SLC25A21: variants seen among roughly 807,000 people sequenced by gnomAD.
SLC25A21 encodes solute carrier family 25 member 21.
SLC25A21 carries 47 observed loss-of-function variants against 43.8 expected under a neutral mutation model. That is an observed-to-expected ratio of 1.07 (90% CI 0.85 to 1.37). The LOEUF (loss-of-function observed/expected upper bound fraction) is 1.37. Among genes scored for constraint, SLC25A21 ranks in the 40% most tolerant of loss-of-function variants. The pLI is 0.00. For synonymous variants in SLC25A21, 131 were observed against 121.3 expected, an observed-to-expected ratio of 1.08 and a Z score of -0.52; for missense variants, 352 against 350.2, an observed-to-expected ratio of 1.00 and a Z score of -0.04.
At position 36,679,982 on chromosome 14, in the gene SLC25A21, A is replaced by AATG. The variant is rs999351771; in HGVS notation, c.*673_*675dup. On this transcript the variant is annotated 3_prime_UTR_variant, in exon 10 of 10. Transcript: ENST00000331299. The stretch of plus-strand genomic sequence containing the variant: ...AGTGTTTTAACATTCTGTTTTAAAC[A>AATG]ATGTTTTAAAATACCTATTTATTAT... The AATG allele has an allele frequency of 1.2e-6, 1 of 847,910 alleles. No homozygotes were observed. The highest frequency in any genetic ancestry group is 2.1e-5 in the African/African-American group (1 of 48,312). 52.5% of individuals were successfully genotyped at this position (847,910 alleles called of 1,614,324 possible). A position where few individuals can be genotyped will look rare whatever the true frequency, so the allele number is the denominator to read the frequency against.
chr14:37,061,513 C>T lies in SLC25A21; in HGVS notation c.70+110768G>A, dbSNP rs374802605. Among the ~76,000 whole-genome samples the T allele has an allele frequency of 4.8e-5, 5 of 103,432 alleles. No homozygotes were observed. The African/African-American group carries it at 7.4e-4, about 15-fold the overall frequency. 67.9% of individuals were successfully genotyped at this position (103,432 alleles called of 152,430 possible). A position where few individuals can be genotyped will look rare whatever the true frequency, so the allele number is the denominator to read the frequency against. Reference sequence around the variant, plus strand: ...TATTAGTTAGCCAACATGATTTTTTCCCCTCTAGTCAGCTGAGAAATATAG... The same window carrying T: ...TATTAGTTAGCCAACATGATTTTTTTCCCTCTAGTCAGCTGAGAAATATAG... On this transcript the variant is annotated intron_variant, in intron 1 of 9. Coordinates refer to ENST00000331299, the MANE Select transcript of SLC25A21 (RefSeq NM_030631.4).
intron 1 of SLC25A21, among the ~76,000 whole-genome samples, chr14:37,056,777 G>A (rs1298387271): frequency 2.0e-5 from 3 of 152,156 alleles, no homozygotes; most frequent in African/African-American, 4.8e-5. Context: ...AGGGGCAAAC[G>A]TTCATCCATA....
At chr14:36,887,838 T>A (rs981189193) in intron 1 of SLC25A21, among the ~76,000 whole-genome samples, 7 of 152,166 alleles carry the variant, frequency 4.6e-5, no homozygotes, top group Non-Finnish European at 8.8e-5. Flanking sequence ...TTCTATGGAA[T>A]TAGTTTTCCT....
At chr14:37,024,884 A>G (rs1961060694) in intron 1 of SLC25A21, among the ~76,000 whole-genome samples, 1 of 152,162 alleles carries the variant, frequency 6.6e-6, no homozygotes, top group Non-Finnish European at 1.5e-5. Flanking sequence ...GTTTCATAAC[A>G]AAGTGCAATA....
chr14:36,948,812 T>C (rs542287848), intron 1 of SLC25A21, among the ~76,000 whole-genome samples: 1 of 152,246 alleles, frequency 6.6e-6, no homozygotes, highest in East Asian at 1.9e-4. Context: ...TTAAATTAAA[T>C]ATTATGTTAA....
intron 1 of SLC25A21, among the ~76,000 whole-genome samples, chr14:37,074,144 T>C (rs906870312): frequency 6.6e-6 from 1 of 151,442 alleles, no homozygotes; most frequent in Non-Finnish European, 1.5e-5. Context: ...CAACTTAATA[T>C]AAATGAACAA....
chr14:36,726,097 C>A (rs1762800064), intron 5 of SLC25A21, among the ~76,000 whole-genome samples: 2 of 152,080 alleles, frequency 1.3e-5, no homozygotes. Flanking sequence ...AGGAGCACAA[C>A]CACAAATAAA....
intron 1 of SLC25A21, among the ~76,000 whole-genome samples, chr14:36,967,015 T>C (rs1959632571): frequency 6.6e-6 from 1 of 152,184 alleles, no homozygotes; most frequent in South Asian, 2.1e-4. Context: ...CTTAGCTCCA[T>C]CTAAATATGA....
intron 3 of SLC25A21, among the ~76,000 whole-genome samples, chr14:36,779,127 G>A (rs911225525): frequency 6.7e-6 from 1 of 149,940 alleles, no homozygotes; most frequent in Non-Finnish European, 1.5e-5. Context: ...GTTCATCTAT[G>A]TTGTTGCAAA....
chr14:37,128,161 C>A (rs374158145), intron 1 of SLC25A21, among the ~76,000 whole-genome samples: 26 of 152,164 alleles, frequency 1.7e-4, no homozygotes, highest in African/African-American at 6.3e-4. Context: ...AATGCCCAAA[C>A]CAATGGATTA....
chr14:36,903,630 A>G (rs1337001973), intron 1 of SLC25A21, among the ~76,000 whole-genome samples: 2 of 149,454 alleles, frequency 1.3e-5, no homozygotes, highest in Non-Finnish European at 1.5e-5. Flanking sequence ...AAAAAAAAAA[A>G]AAAAAAAAAA....
chr14:36,902,445 AC>A, intron 1 of SLC25A21, among the ~76,000 whole-genome samples: 1 of 151,588 alleles, frequency 6.6e-6, no homozygotes, highest in Admixed American at 6.6e-5. Context: ...AGTAAAACAC[AC>A]ACACACACAC....
intron 1 of SLC25A21, among the ~76,000 whole-genome samples, chr14:37,038,638 G>C (rs1296623640): frequency 1.3e-5 from 2 of 152,182 alleles, no homozygotes; most frequent in Non-Finnish European, 2.9e-5. Flanking sequence ...GAAGTCAGAA[G>C]AACATTGTTG....
chr14:36,796,895 C>T (rs1038284593), intron 3 of SLC25A21, among the ~76,000 whole-genome samples: 3 of 152,086 alleles, frequency 2.0e-5, no homozygotes, highest in African/African-American at 4.8e-5. Flanking sequence ...CTGGACTCAG[C>T]GAGTAAGCCT....
At chr14:36,810,575 C>A (rs548372884) in intron 3 of SLC25A21, among the ~76,000 whole-genome samples, 1 of 152,152 alleles carries the variant, frequency 6.6e-6, no homozygotes, top group African/African-American at 2.4e-5. Flanking sequence ...CACTAGGTGA[C>A]CTCAAAATAT....
intron 2 of SLC25A21, among the ~76,000 whole-genome samples, chr14:36,841,613 T>C (rs1051853529): frequency 5.3e-5 from 8 of 152,240 alleles, no homozygotes; most frequent in Non-Finnish European, 8.8e-5. Flanking sequence ...GCTGTGCTCA[T>C]TGGTTGACTC....
chr14:36,716,120 AAGC>A (rs1023880370), intron 6 of SLC25A21, among the ~76,000 whole-genome samples: 5 of 152,112 alleles, frequency 3.3e-5, no homozygotes, highest in Admixed American at 2.0e-4. Context: ...ATAAATAAAT[AAGC>A]AGATCCTAAG....
At chr14:37,013,676 C>G (rs1221875705) in intron 1 of SLC25A21, among the ~76,000 whole-genome samples, 1 of 152,154 alleles carries the variant, frequency 6.6e-6, no homozygotes, top group Non-Finnish European at 1.5e-5. Flanking sequence ...CCTCACCCCC[C>G]TCACCACTCT....
At chr14:37,082,025 C>G (rs1463636706) in intron 1 of SLC25A21, among the ~76,000 whole-genome samples, 5 of 152,282 alleles carry the variant, frequency 3.3e-5, no homozygotes, top group African/African-American at 1.2e-4. Context: ...ATGTGGTACA[C>G]ACACACCATG....
Sources: allele counts gnomAD v4.1 joint callset (sites outside exome capture counted in the v4.1 genomes callset), GRCh38; gene constraint gnomAD v4.1.1; transcripts MANE v1.5; gene names NCBI Gene and HGNC (gene_info 2026-07-23, HGNC 2026-07-21).